HHAT: variants seen among roughly 807,000 people sequenced by gnomAD.
HHAT encodes hedgehog acyltransferase.
HHAT carries 47 observed loss-of-function variants against 70.8 expected under a neutral mutation model. The ratio of observed to expected loss-of-function variants is 0.66; its 90% CI spans 0.53 to 0.85. The LOEUF (loss-of-function observed/expected upper bound fraction) is 0.85. HHAT is among the 40% of genes least tolerant of loss of function. The pLI is 0.00. For synonymous variants in HHAT, 228 were observed against 247.6 expected, an observed-to-expected ratio of 0.92 and a Z score of 0.74; for missense variants, 609 against 604.8, an observed-to-expected ratio of 1.01 and a Z score of -0.07.
At chr1:210,490,253 G>C (rs1349785835) in intron 8 of HHAT, among the ~76,000 whole-genome samples, 1 of 152,170 alleles carries the variant, frequency 6.6e-6, no homozygotes, top group African/African-American at 2.4e-5. Flanking sequence ...GGGAGAGAAA[G>C]AGGCTTGTTA....
At chr1:210,364,783 A>G (rs1176878148) in intron 3 of HHAT, among the ~76,000 whole-genome samples, 1 of 152,198 alleles carries the variant, frequency 6.6e-6, no homozygotes, top group Non-Finnish European at 1.5e-5. Context: ...TGCTCTCCAC[A>G]ACAGCTCTCA....
intron 10 of HHAT, chr1:210,588,777 C>G (rs1423132038): frequency 6.6e-6 from 1 of 152,132 alleles, no homozygotes; most frequent in Non-Finnish European, 1.5e-5. Context: ...TGTATTTCTA[C>G]CAATGGTGCA....
chr1:210,611,535 A>G (rs1666586140), intron 10 of HHAT, among the ~76,000 whole-genome samples: 1 of 152,136 alleles, frequency 6.6e-6, no homozygotes, highest in African/African-American at 2.4e-5. Flanking sequence ...AGAGCTACCA[A>G]TACTATGTTG....
At chr1:210,580,778 A>G (rs1184073048) in intron 9 of HHAT, among the ~76,000 whole-genome samples, 1 of 151,980 alleles carries the variant, frequency 6.6e-6, no homozygotes, top group Non-Finnish European at 1.5e-5. Context: ...TAGTGCTGCA[A>G]AAAACATATG....
intron 11 of HHAT, among the ~76,000 whole-genome samples, chr1:210,630,363 G>A (rs1444351746): frequency 6.6e-6 from 1 of 152,162 alleles, no homozygotes; most frequent in Non-Finnish European, 1.5e-5. Context: ...AATTGCTATG[G>A]TGCAGAACAC....
At chr1:210,597,016 G>T (rs940966007) in intron 10 of HHAT, among the ~76,000 whole-genome samples, 1 of 152,128 alleles carries the variant, frequency 6.6e-6, no homozygotes, top group East Asian at 1.9e-4. Flanking sequence ...CTAAGTTTTC[G>T]GTTGCTCTAA....
In HHAT at chr1:210,402,136, T is replaced by C. The variant is rs573706992; in HGVS notation, c.468+1474T>C. Reference sequence around the variant, plus strand: ...AACCATCCAGAAGTGGGAGCTTTCTTTTAAGGAGAAATGCATGGCAAGAAC... The same window carrying C: ...AACCATCCAGAAGTGGGAGCTTTCTCTTAAGGAGAAATGCATGGCAAGAAC... On this transcript the variant is annotated intron_variant, in intron 5 of 11. Coordinates refer to ENST00000261458, the MANE Select transcript of HHAT (RefSeq NM_018194.6). Among the ~76,000 whole-genome samples, 9 of 152,318 alleles carry C rather than the reference T, an allele frequency of 5.9e-5. No individual in the cohort carries two copies. The East Asian group carries it at 1.7e-3, about 29-fold the overall frequency.
chr1:210,460,056 G>A (rs1260328062), intron 7 of HHAT, among the ~76,000 whole-genome samples: 17 of 152,236 alleles, frequency 1.1e-4, no homozygotes, highest in South Asian at 2.1e-4. Flanking sequence ...TGGCCACTCC[G>A]TGTGGCTTGG....
intron 6 of HHAT, among the ~76,000 whole-genome samples, chr1:210,407,663 G>A (rs2092385700): frequency 6.6e-6 from 1 of 152,158 alleles, no homozygotes; most frequent in African/African-American, 2.4e-5. Flanking sequence ...TATTTCTGGT[G>A]GCATTTAGAG....
chr1:210,516,457 C>T (rs867322689), intron 9 of HHAT, among the ~76,000 whole-genome samples: 27 of 152,030 alleles, frequency 1.8e-4, no homozygotes, highest in African/African-American at 6.0e-4. Context: ...GTGAGTGGTC[C>T]CTTAGTAACC....
At chr1:210,379,697 C>A (rs897717686) in intron 3 of HHAT, among the ~76,000 whole-genome samples, 1 of 152,194 alleles carries the variant, frequency 6.6e-6, no homozygotes, top group Non-Finnish European at 1.5e-5. Context: ...CTGGGCCTAT[C>A]AAAGTAAAAT....
chr1:210,500,645 G>A (rs944351778), intron 8 of HHAT, among the ~76,000 whole-genome samples: 3 of 152,196 alleles, frequency 2.0e-5, no homozygotes, highest in Non-Finnish European at 4.4e-5. Flanking sequence ...GGCAACCTGG[G>A]CAGAAAGATC....
chr1:210,487,713 A>G (rs2094494398), intron 8 of HHAT, among the ~76,000 whole-genome samples: 1 of 152,196 alleles, frequency 6.6e-6, no homozygotes, highest in African/African-American at 2.4e-5. Context: ...ATGTTCTTTT[A>G]CCTTTCCCTC....
At chr1:210,504,998 A>C (rs555229318) in intron 8 of HHAT, among the ~76,000 whole-genome samples, 130 of 148,344 alleles carry the variant, frequency 8.8e-4, no homozygotes, top group Non-Finnish European at 1.6e-3. Context: ...TCCTGGGTTC[A>C]AGCGATTGTC....
intron 10 of HHAT, among the ~76,000 whole-genome samples, chr1:210,611,406 T>C: frequency 6.6e-6 from 1 of 152,170 alleles, no homozygotes; most frequent in East Asian, 1.9e-4. Context: ...AAGTAGCTTT[T>C]GGGCTGAGAT....
intron 1 of HHAT, among the ~76,000 whole-genome samples, chr1:210,346,849 C>T (rs1281350203): frequency 1.3e-5 from 2 of 152,226 alleles, no homozygotes; most frequent in African/African-American, 2.4e-5. Flanking sequence ...GGGCAGGGGC[C>T]TGGGTCCAAA....
chr1:210,563,328 T>C (rs1198120856), intron 9 of HHAT, among the ~76,000 whole-genome samples: 1 of 152,114 alleles, frequency 6.6e-6, no homozygotes, highest in African/African-American at 2.4e-5. Flanking sequence ...GCAGAAAAGA[T>C]CATGTTAGGG....
rs930780932 is a variant in HHAT at position 210,653,899 on chromosome 1, G to T, written c.1391-20389G>T. ...GGTGTGCCTGTGACAGTGGAATAGTGTGACGGGAATAGTGTGACAGTGGAA... is the reference window on the plus strand; with the variant it reads ...GGTGTGCCTGTGACAGTGGAATAGTTTGACGGGAATAGTGTGACAGTGGAA... On this transcript the variant is annotated intron_variant, in intron 11 of 11. Transcript: ENST00000261458. 2.6e-5 allele frequency among the ~76,000 whole-genome samples: 4 copies of T among 152,390 alleles called. No homozygotes were observed. The East Asian group carries it at 7.7e-4, about 29-fold the overall frequency.
At chr1:210,476,165 T>G (rs557549843) in intron 8 of HHAT, among the ~76,000 whole-genome samples, 38 of 152,214 alleles carry the variant, frequency 2.5e-4, no homozygotes, top group Non-Finnish European at 4.7e-4. Flanking sequence ...TTTTTGTGAG[T>G]CCTGAGATTG....
Sources: allele counts gnomAD v4.1 joint callset (sites outside exome capture counted in the v4.1 genomes callset), GRCh38; gene constraint gnomAD v4.1.1; transcripts MANE v1.5; gene names NCBI Gene and HGNC (gene_info 2026-07-23, HGNC 2026-07-21).